The following CAMK2D variants were observed in gnomAD, a reference collection of about 807,000 sequenced individuals.
CAMK2D encodes calcium/calmodulin-dependent protein kinase type II subunit delta.
In CAMK2D, 37 loss-of-function variants were observed where a neutral mutation model predicts 84.0. The ratio of observed to expected loss-of-function variants is 0.44; its 90% CI spans 0.34 to 0.58. CAMK2D has a LOEUF of 0.58. Among genes scored for constraint, CAMK2D ranks in the 20% least tolerant of loss-of-function variants. The probability of loss-of-function intolerance (pLI) is 0.02; values close to 1 mark genes in which losing one functional copy is unlikely to be tolerated. For missense variants in CAMK2D, 448 were observed against 652.5 expected (o/e 0.69, Z 3.41); for synonymous variants, 202 against 212.5 (o/e 0.95, Z 0.43).
intron 17 of CAMK2D, among the ~76,000 whole-genome samples, chr4:113,461,334 A>T (rs77393722): frequency 0.029 from 4,415 of 152,342 alleles, 220 homozygotes; most frequent in African/African-American, 0.098. Flanking sequence ...ACAAGCAATT[A>T]TACAATAATC....
At chr4:113,557,326 T>C (rs11724156) in intron 4 of CAMK2D, among the ~76,000 whole-genome samples, 112,083 of 152,048 alleles carry the variant, frequency 0.74, 41,542 homozygotes, top group Middle Eastern at 0.78. Flanking sequence ...CAACTCCTGA[T>C]ATGACCTTCA....
intron 4 of CAMK2D, among the ~76,000 whole-genome samples, chr4:113,559,573 G>A (rs1591231950): frequency 6.6e-6 from 1 of 152,336 alleles, no homozygotes; most frequent in East Asian, 1.9e-4. Flanking sequence ...TACTGAAACA[G>A]CCTAGGAATC....
intron 13 of CAMK2D, among the ~76,000 whole-genome samples, chr4:113,507,941 T>C (rs1410069597): frequency 6.6e-6 from 1 of 151,370 alleles, no homozygotes; most frequent in Admixed American, 6.6e-5. Flanking sequence ...TTGTTTGTTT[T>C]TACTGATCAC....
At chr4:113,732,816 G>T (rs1053041888) in intron 2 of CAMK2D, among the ~76,000 whole-genome samples, 1 of 152,004 alleles carries the variant, frequency 6.6e-6, no homozygotes, top group Non-Finnish European at 1.5e-5. Context: ...AGAGTTAATA[G>T]CTATCTCATC....
chr4:113,645,619 T>G (rs1188056459), intron 3 of CAMK2D, among the ~76,000 whole-genome samples: 1 of 152,182 alleles, frequency 6.6e-6, no homozygotes, highest in African/African-American at 2.4e-5. Flanking sequence ...AAAAGCAGCT[T>G]TTTGCTTGGA....
intron 2 of CAMK2D, chr4:113,753,808 G>GCGC: frequency 2.1e-6 from 1 of 484,338 alleles, no homozygotes; most frequent in Non-Finnish European, 2.6e-6. Flanking sequence ...GGCGGGGGTG[G>GCGC]TACTTAAGCC....
At chr4:113,519,040 AATGAAAATG>A (rs560057764) in intron 8 of CAMK2D, among the ~76,000 whole-genome samples, 273 of 152,152 alleles carry the variant, frequency 1.8e-3, no homozygotes, top group Non-Finnish European at 3.0e-3. Context: ...CCATACATCT[AATGAAAATG>A]ATGATAGTAA....
chr4:113,725,909 G>C (rs541118315), intron 2 of CAMK2D, among the ~76,000 whole-genome samples: 38 of 152,204 alleles, frequency 2.5e-4, no homozygotes, highest in African/African-American at 8.9e-4. Flanking sequence ...CTATAAAGTA[G>C]AAATCAAAAC....
intron 2 of CAMK2D, among the ~76,000 whole-genome samples, chr4:113,697,071 A>G (rs1302874132): frequency 6.6e-6 from 1 of 152,178 alleles, no homozygotes; most frequent in African/African-American, 2.4e-5. Flanking sequence ...GACCTGTTGC[A>G]TCTGAGCCAG....
At chr4:113,675,622 T>G (rs924505202) in intron 2 of CAMK2D, among the ~76,000 whole-genome samples, 3 of 151,988 alleles carry the variant, frequency 2.0e-5, no homozygotes, top group African/African-American at 7.3e-5. Context: ...GAAAAGTAAG[T>G]ATTCTGATTA....
At chr4:113,568,888 A>G (rs1169370366) in intron 4 of CAMK2D, among the ~76,000 whole-genome samples, 1 of 152,052 alleles carries the variant, frequency 6.6e-6, no homozygotes, top group Admixed American at 6.5e-5. Context: ...TCATTTGTAT[A>G]TCTTCTTTGA....
chr4:113,732,125 T>C (rs191334248), intron 2 of CAMK2D, among the ~76,000 whole-genome samples: 1 of 148,660 alleles, frequency 6.7e-6, no homozygotes, highest in Non-Finnish European at 1.5e-5. Context: ...CACTCCTTCT[T>C]TTTTTTTTTT....
intron 3 of CAMK2D, among the ~76,000 whole-genome samples, chr4:113,626,698 C>A (rs2099069675): frequency 6.6e-6 from 1 of 152,160 alleles, no homozygotes; most frequent in South Asian, 2.1e-4. Flanking sequence ...GGATCTGGAC[C>A]TCCATTCCTT....
intron 2 of CAMK2D, among the ~76,000 whole-genome samples, chr4:113,723,277 T>C (rs2099536535): frequency 6.6e-6 from 1 of 151,482 alleles, no homozygotes. Flanking sequence ...CAGGCTGGAA[T>C]GCAGTGGCAC....
chr4:113,563,152 G>A (rs2098706412), intron 4 of CAMK2D, among the ~76,000 whole-genome samples: 1 of 152,072 alleles, frequency 6.6e-6, no homozygotes, highest in Non-Finnish European at 1.5e-5. Flanking sequence ...TGCTCAGGAG[G>A]CTGAGGCAGG....
intron 4 of CAMK2D, among the ~76,000 whole-genome samples, chr4:113,581,523 A>AGAAAAAG: frequency 5.2e-5 from 2 of 38,096 alleles, no homozygotes; most frequent in Non-Finnish European, 1.7e-4. Context: ...TAAAAAAAAA[A>AGAAAAAG]AAAAAAAAAA....
At chr4:113,508,027 A>C (rs2098154534) in intron 13 of CAMK2D, among the ~76,000 whole-genome samples, 2 of 152,346 alleles carry the variant, frequency 1.3e-5, no homozygotes, top group African/African-American at 2.4e-5. Context: ...CAAACCTCTT[A>C]ATATACTATC....
At position 113,489,323 on chromosome 4, in the gene CAMK2D, T is replaced by C. The variant is rs946460437; in HGVS notation, c.1135+11140A>G. 6.9e-5 allele frequency among the ~76,000 whole-genome samples: 9 copies of C among 130,760 alleles called. No homozygotes were observed. The East Asian group carries it at 6.9e-4, about 10-fold the overall frequency. The allele number at this position is 130,760 out of a possible 152,430, so 85.8% of individuals were successfully genotyped here. On this transcript the variant is annotated intron_variant, in intron 16 of 20. Coordinates refer to ENST00000511664, the MANE Select transcript of CAMK2D (RefSeq NM_001321571.2). ...CCCCACAACAGTCCCCAGAGTGTGA[T>C]AGTCCCCTTCCTGTGTCTATGTGAT...
intron 2 of CAMK2D, among the ~76,000 whole-genome samples, chr4:113,688,947 TA>T (rs11323297): frequency 0.15 from 8,000 of 52,158 alleles, 373 homozygotes; most frequent in African/African-American, 0.26. Context: ...AAGAGCACAC[TA>T]AAAAAAAAAA....
Sources: gnomAD v4.1 joint callset for allele counts (sites outside exome capture counted in the v4.1 genomes callset) on GRCh38, gnomAD v4.1.1 for gene constraint, MANE v1.5 for transcripts, NCBI Gene and HGNC (gene_info 2026-07-23, HGNC 2026-07-21) for gene names.